Variants in SYT14 observed in about 807,000 individuals in gnomAD.
The protein encoded by SYT14 is synaptotagmin 14.
In SYT14, 32 loss-of-function variants were observed where a neutral mutation model predicts 74.2. The ratio of observed to expected loss-of-function variants is 0.43; its 90% CI spans 0.33 to 0.58. SYT14 has a LOEUF of 0.58. SYT14 is among the 20% of genes least tolerant of loss of function. SYT14 has a pLI of 0.05. For missense variants in SYT14, 791 were observed against 981.8 expected (o/e 0.81, Z 2.60); for synonymous variants, 298 against 337.7 (o/e 0.88, Z 1.29).
At chr1:209,998,736 T>C (rs1172884146) in intron 2 of SYT14, among the ~76,000 whole-genome samples, 1 of 152,120 alleles carries the variant, frequency 6.6e-6, no homozygotes, top group Non-Finnish European at 1.5e-5. Flanking sequence ...GAAATCTGGA[T>C]ATTCATATGC....
chr1:210,154,702 C>T (rs532603795), intron 7 of SYT14, among the ~76,000 whole-genome samples: 1 of 151,888 alleles, frequency 6.6e-6, no homozygotes, highest in Non-Finnish European at 1.5e-5. Context: ...TAAAAGTATA[C>T]CTTTAATTTC....
chr1:210,145,908 C>T lies in SYT14; in HGVS notation c.2035-9813C>T, dbSNP rs926209845. 2.6e-5 allele frequency among the ~76,000 whole-genome samples: 4 copies of T among 152,330 alleles called. No homozygotes were observed. The South Asian group carries it at 8.3e-4, about 32-fold the overall frequency. ...CATAAAATCTCTAAAGGCAGTTTAT[C>T]ATAGTCTGCCTTGAAATCAGTTCAT... On this transcript the variant is annotated intron_variant, in intron 7 of 9. Transcript: ENST00000637265.
Position 209,956,852 on chromosome 1 carries a change from G to GTTGTT in SYT14, c.-486+4115_-486+4119dup, listed in dbSNP as rs552370421. ...AATTCATATGGAAAGATGTAATAGG[G>GTTGTT]TTGTTTTGTTTTGTTTTGTTTTGGA... On this transcript the variant is annotated intron_variant, in intron 2 of 9. Transcript: ENST00000637265. Among the ~76,000 whole-genome samples, 289 of 152,162 alleles carry GTTGTT rather than the reference G, an allele frequency of 1.9e-3. 1 individual carries two copies. The highest frequency in any genetic ancestry group is 4.8e-3 in the Admixed American group (74 of 15,290).
chr1:209,997,844 TA>T (rs762794132), intron 2 of SYT14, among the ~76,000 whole-genome samples: 1 of 152,150 alleles, frequency 6.6e-6, no homozygotes, highest in Non-Finnish European at 1.5e-5. Flanking sequence ...AAAATTGCTT[TA>T]TTACTCTGAA....
At position 210,052,665 on chromosome 1, in the gene SYT14, C is replaced by CAAAAAAAAAAAAAAAAAAAAA. The variant is rs561069342; in HGVS notation, c.1312+31430_1312+31431insAAAAAAAAAAAAAAAAAAAAA. ...CAGCAAGAGCGAAACTACATCTCAC[C>CAAAAAAAAAAAAAAAAAAAAA]AAAAAAAAAAAAAAAAAAAGCTCTC... is the stretch of plus-strand genomic sequence containing the variant. On this transcript the variant is annotated intron_variant, in intron 5 of 9. Transcript: ENST00000637265. 1.5e-3 allele frequency among the ~76,000 whole-genome samples: 62 copies of CAAAAAAAAAAAAAAAAAAAAA among 42,250 alleles called. 6 individuals carry two copies. Among genetic ancestry groups the CAAAAAAAAAAAAAAAAAAAAA allele is most frequent in the Middle Eastern group, 0.021 (1 of 48 alleles). 27.7% of individuals were successfully genotyped at this position (42,250 alleles called of 152,430 possible). A position where few individuals can be genotyped will look rare whatever the true frequency, so the allele number is the denominator to read the frequency against.
At chr1:210,162,452 C>G (rs1455534233) in exon 10 of SYT14, 1 of 356,894 alleles carries the variant, frequency 2.8e-6, no homozygotes, top group Non-Finnish European at 5.4e-6. Context: ...ATATTATAAG[C>G]TGTTTTCTTT....
At chr1:209,961,644 G>A (rs758164710) in intron 2 of SYT14, among the ~76,000 whole-genome samples, 1 of 152,026 alleles carries the variant, frequency 6.6e-6, no homozygotes, top group Non-Finnish European at 1.5e-5. Flanking sequence ...CAGTAAACTG[G>A]TATGTACATA....
intron 2 of SYT14, among the ~76,000 whole-genome samples, chr1:209,961,082 G>A (rs2079068703): frequency 6.6e-6 from 1 of 152,110 alleles, no homozygotes; most frequent in African/African-American, 2.4e-5. Context: ...ATATTTTACT[G>A]TCTACACCCT....
At chr1:209,967,081 TATC>T (rs2079168551) in intron 2 of SYT14, among the ~76,000 whole-genome samples, 1 of 152,208 alleles carries the variant, frequency 6.6e-6, no homozygotes, top group Non-Finnish European at 1.5e-5. Flanking sequence ...TATCTACTGA[TATC>T]ATATGATTTT....
At chr1:210,100,358 A>G (rs1361735525) in exon 7 of SYT14, 2 of 1,614,036 alleles carry the variant, frequency 1.2e-6, no homozygotes, top group East Asian at 4.5e-5. Flanking sequence ...CATCGCATGA[A>G]AAAAGAAAAG....
chr1:210,004,109 ATTATT>A (rs1167667599), intron 2 of SYT14, among the ~76,000 whole-genome samples: 2 of 152,028 alleles, frequency 1.3e-5, no homozygotes, highest in Non-Finnish European at 2.9e-5. Context: ...CTCGTATTAT[ATTATT>A]TTAATTTTTT....
intron 2 of SYT14, among the ~76,000 whole-genome samples, chr1:209,986,003 G>A (rs967165222): frequency 2.0e-5 from 3 of 152,112 alleles, no homozygotes; most frequent in African/African-American, 7.2e-5. Context: ...CAAGACCTTT[G>A]GTTGGAAGGG....
intron 2 of SYT14, among the ~76,000 whole-genome samples, chr1:209,983,003 G>C (rs2079513524): frequency 6.7e-6 from 1 of 149,498 alleles, no homozygotes; most frequent in South Asian, 2.1e-4. Flanking sequence ...CTTTTGGTGA[G>C]GTGTCTTTTA....
chr1:210,053,126 T>C (rs2081033861), intron 5 of SYT14, among the ~76,000 whole-genome samples: 1 of 152,198 alleles, frequency 6.6e-6, no homozygotes, highest in African/African-American at 2.4e-5. Context: ...ATCAACATTT[T>C]AATTTAACTT....
chr1:210,069,251 C>G (rs1397365362), intron 5 of SYT14, among the ~76,000 whole-genome samples: 1 of 151,888 alleles, frequency 6.6e-6, no homozygotes, highest in Non-Finnish European at 1.5e-5. Flanking sequence ...TATGCATTCT[C>G]TAATTCTTCG....
At chr1:210,057,796 T>G (rs981514338) in intron 5 of SYT14, among the ~76,000 whole-genome samples, 3 of 152,178 alleles carry the variant, frequency 2.0e-5, no homozygotes, top group Middle Eastern at 3.2e-3. Context: ...AATAAATCAT[T>G]CATGTTTGAC....
chr1:210,108,755 G>C (rs1318824312), intron 7 of SYT14, among the ~76,000 whole-genome samples: 1 of 152,182 alleles, frequency 6.6e-6, no homozygotes, highest in South Asian at 2.1e-4. Flanking sequence ...AAATAAGAGA[G>C]AAGTGAAGCC....
At chr1:210,005,809 A>G (rs2079979089) in intron 2 of SYT14, among the ~76,000 whole-genome samples, 2 of 151,982 alleles carry the variant, frequency 1.3e-5, no homozygotes, top group South Asian at 4.1e-4. Flanking sequence ...AGTATTATTA[A>G]GTAAGAAGTA....
chr1:209,981,749 C>G (rs1169832664), intron 2 of SYT14, among the ~76,000 whole-genome samples: 1 of 152,120 alleles, frequency 6.6e-6, no homozygotes, highest in Non-Finnish European at 1.5e-5. Context: ...AGCCACTATG[C>G]CTGACCCAGA....
Sources: allele counts gnomAD v4.1 joint callset (sites outside exome capture counted in the v4.1 genomes callset), GRCh38; gene constraint gnomAD v4.1.1; transcripts MANE v1.5; gene names NCBI Gene and HGNC (gene_info 2026-07-23, HGNC 2026-07-21).